Variants in GNAQ observed in about 807,000 individuals in gnomAD.
The protein encoded by GNAQ is guanine nucleotide-binding protein G(q) subunit alpha.
A neutral mutation model predicts 43.9 loss-of-function variants in GNAQ; 8 were observed. The observed-to-expected ratio is 0.18, with a 90% CI of 0.11 to 0.33. The LOEUF (loss-of-function observed/expected upper bound fraction) is 0.33, where lower values mean the gene tolerates loss of function less well. Ranked by LOEUF, GNAQ falls within the 10% of genes least tolerant of loss-of-function variation. GNAQ has a pLI of 1.00. For synonymous variants in GNAQ, 155 were observed against 170.7 expected, an observed-to-expected ratio of 0.91 and a Z score of 0.71; for missense variants, 158 against 450.8, an observed-to-expected ratio of 0.35 and a Z score of 5.88.
At chr9:77,760,668 A>C (rs956478873) in intron 5 of GNAQ, among the ~76,000 whole-genome samples, 3 of 149,020 alleles carry the variant, frequency 2.0e-5, no homozygotes, top group Non-Finnish European at 3.0e-5. Context: ...CTGGCCACCC[A>C]TCATCTGGGA....
intron 5 of GNAQ, among the ~76,000 whole-genome samples, chr9:77,789,657 G>T (rs1587917491): frequency 6.6e-6 from 1 of 151,950 alleles, no homozygotes; most frequent in Non-Finnish European, 1.5e-5. Flanking sequence ...ATAATTAGTT[G>T]TAATTACAAA....
At chr9:77,848,532 C>G (rs543860900) in intron 2 of GNAQ, among the ~76,000 whole-genome samples, 8 of 152,236 alleles carry the variant, frequency 5.3e-5, no homozygotes, top group Non-Finnish European at 1.5e-5. Context: ...GATACAGATT[C>G]CTGGCCAACA....
At chr9:78,009,875 T>C (rs1423179705) in intron 1 of GNAQ, among the ~76,000 whole-genome samples, 1 of 152,066 alleles carries the variant, frequency 6.6e-6, no homozygotes, top group South Asian at 2.1e-4. Context: ...CAGAAGACTA[T>C]GTACACATCA....
At chr9:77,941,879 G>A (rs868583627) in intron 1 of GNAQ, among the ~76,000 whole-genome samples, 6 of 148,190 alleles carry the variant, frequency 4.0e-5, no homozygotes, top group African/African-American at 1.0e-4. Flanking sequence ...ACCAGTTCTC[G>A]AAAATGTGCA....
intron 1 of GNAQ, among the ~76,000 whole-genome samples, chr9:77,959,613 A>G (rs1823083226): frequency 6.6e-6 from 1 of 152,240 alleles, no homozygotes; most frequent in Non-Finnish European, 1.5e-5. Context: ...TTATCAAAAC[A>G]TTATAGCACA....
chr9:77,831,765 T>G (rs1478292978), intron 2 of GNAQ, among the ~76,000 whole-genome samples: 2 of 152,230 alleles, frequency 1.3e-5, no homozygotes, highest in African/African-American at 4.8e-5. Context: ...ACAGAAATAC[T>G]GTTCATGATT....
intron 1 of GNAQ, among the ~76,000 whole-genome samples, chr9:77,926,482 T>A (rs1033965659): frequency 6.6e-6 from 1 of 152,166 alleles, no homozygotes; most frequent in Non-Finnish European, 1.5e-5. Context: ...TTTCACAGCA[T>A]AGGGCAATGA....
chr9:77,840,679 C>T (rs1171320791), intron 2 of GNAQ, among the ~76,000 whole-genome samples: 1 of 152,050 alleles, frequency 6.6e-6, no homozygotes, highest in Admixed American at 6.6e-5. Flanking sequence ...TTTGGTCTTA[C>T]ATCTGAATCA....
chr9:77,919,215 T>G (rs1828960585), intron 2 of GNAQ, among the ~76,000 whole-genome samples: 2 of 152,188 alleles, frequency 1.3e-5, no homozygotes, highest in South Asian at 4.1e-4. Context: ...TCACCATACC[T>G]GGCCACAAAT....
chr9:77,837,880 GCT>G (rs1226297149), intron 2 of GNAQ, among the ~76,000 whole-genome samples: 1 of 122,920 alleles, frequency 8.1e-6, no homozygotes, highest in Non-Finnish European at 1.6e-5. Context: ...ATGGAGTCTT[GCT>G]CTGTTGCCTG....
chr9:77,729,999 A>G (rs192374601), intron 5 of GNAQ, among the ~76,000 whole-genome samples: 16 of 152,322 alleles, frequency 1.1e-4, no homozygotes, highest in Admixed American at 3.3e-4. Flanking sequence ...GCTTTCATGC[A>G]GAGTGTGGAA....
intron 1 of GNAQ, among the ~76,000 whole-genome samples, chr9:77,951,004 G>A (rs986470498): frequency 6.6e-6 from 1 of 151,138 alleles, no homozygotes; most frequent in Non-Finnish European, 1.5e-5. Flanking sequence ...ACACTATGAG[G>A]CCAAGATGTA....
chr9:77,899,759 G>A (rs1828569093), intron 2 of GNAQ, among the ~76,000 whole-genome samples: 2 of 152,010 alleles, frequency 1.3e-5, no homozygotes, highest in Admixed American at 1.3e-4. Context: ...AGAGAACTTG[G>A]GCAGAGAATG....
chr9:77,895,432 G>A (rs1279314585), intron 2 of GNAQ, among the ~76,000 whole-genome samples: 1 of 152,122 alleles, frequency 6.6e-6, no homozygotes, highest in African/African-American at 2.4e-5. Flanking sequence ...GAATCTGACT[G>A]CAGTGTTAGG....
Position 77,720,228 on chromosome 9 carries a change from T to C in GNAQ, c.*1095A>G. 4.3e-6 allele frequency: 1 copy of C among 233,446 alleles called. No individual in the cohort carries two copies. The highest frequency in any genetic ancestry group is 8.5e-6 in the Non-Finnish European group (1 of 117,880). 14.5% of individuals were successfully genotyped at this position (233,446 alleles called of 1,614,324 possible). A position where few individuals can be genotyped will look rare whatever the true frequency, so the allele number is the denominator to read the frequency against. On this transcript the variant is annotated 3_prime_UTR_variant, in exon 7 of 7. Coordinates refer to ENST00000286548, the MANE Select transcript of GNAQ (RefSeq NM_002072.5). ...TTTCTGGTTCATTCTCAGCCAGTCA[T>C]TTTAGGCTTCACAGTCTTACTCTCT...
chr9:77,887,643 G>C (rs1828331371), intron 2 of GNAQ, among the ~76,000 whole-genome samples: 1 of 152,150 alleles, frequency 6.6e-6, no homozygotes, highest in Non-Finnish European at 1.5e-5. Flanking sequence ...GTGATTCAGA[G>C]AATATTAATC....
intron 2 of GNAQ, among the ~76,000 whole-genome samples, chr9:77,837,166 TG>T (rs1827402398): frequency 6.6e-6 from 1 of 152,180 alleles, no homozygotes; most frequent in African/African-American, 2.4e-5. Flanking sequence ...GAAAGACATA[TG>T]TTAATCAGTC....
At position 77,808,431 on chromosome 9, in the gene GNAQ, T is replaced by C. The variant is rs372853531; in HGVS notation, c.476+7185A>G. Among the ~76,000 whole-genome samples the C allele has an allele frequency of 4.4e-4, 66 of 150,794 alleles. 1 individual carries two copies. Among genetic ancestry groups the C allele is most frequent in the African/African-American group, 1.5e-3 (63 of 40,954 alleles). On this transcript the variant is annotated intron_variant, in intron 3 of 6. Transcript: ENST00000286548. ...AACAAAACAGGAAGAGAATTAAATA[T>C]GTCACTCAAGTGAAAAGAATGACAC... is the stretch of plus-strand genomic sequence containing the variant.
At chr9:77,829,611 C>T (rs914053431) in intron 2 of GNAQ, among the ~76,000 whole-genome samples, 1 of 152,150 alleles carries the variant, frequency 6.6e-6, no homozygotes, top group Non-Finnish European at 1.5e-5. Flanking sequence ...GTGGCCCACC[C>T]GCAGCCTTGA....
Sources: allele counts gnomAD v4.1 joint callset (sites outside exome capture counted in the v4.1 genomes callset), GRCh38; gene constraint gnomAD v4.1.1; transcripts MANE v1.5; gene names NCBI Gene and HGNC (gene_info 2026-07-23, HGNC 2026-07-21).